The following ZDHHC24 variants were observed in gnomAD, a reference collection of about 807,000 sequenced individuals.
ZDHHC24 encodes the protein zDHHC palmitoyltransferase 24.
Under a neutral mutation model 23.2 loss-of-function variants are expected in ZDHHC24, and 17 were observed. The observed-to-expected ratio is 0.73, with a 90% CI of 0.50 to 1.10. The LOEUF (loss-of-function observed/expected upper bound fraction) is 1.10. Among genes scored for constraint, ZDHHC24 ranks in the 50% least tolerant of loss-of-function variants. The probability of loss-of-function intolerance (pLI) is 0.00; values close to 1 mark genes in which losing one functional copy is unlikely to be tolerated. For synonymous variants in ZDHHC24, 186 were observed against 194.5 expected (o/e 0.96, Z 0.36); for missense variants, 366 against 393.0 (o/e 0.93, Z 0.58).
At position 66,529,880 on chromosome 11, in the gene ZDHHC24, C is replaced by T; in HGVS notation, c.560-392G>A. 3 of 1,609,796 alleles carry T rather than the reference C, an allele frequency of 1.9e-6. No homozygotes were observed. Among genetic ancestry groups the T allele is most frequent in the South Asian group, 2.2e-5 (2 of 91,078 alleles). On this transcript the variant is annotated intron_variant, in intron 2 of 4. Transcript: ENST00000526986. Reference sequence around the variant, plus strand: ...TGCGCCTACGTGCTGCCCGCGCCTACCTGCAGGCCCTCGAGTCCAGCCTGA... The same window carrying T: ...TGCGCCTACGTGCTGCCCGCGCCTATCTGCAGGCCCTCGAGTCCAGCCTGA...
chr11:66,536,501 G>A lies in ZDHHC24; in HGVS notation c.*3028C>T, dbSNP rs571038156. The A allele has an allele frequency of 1.6e-3, 249 of 153,978 alleles. No homozygotes were observed. Among genetic ancestry groups the A allele is most frequent in the Non-Finnish European group, 2.6e-3 (180 of 68,010 alleles). The allele number at this position is 153,978 out of a possible 1,614,324, so 9.5% of individuals were successfully genotyped here. A position where few individuals can be genotyped will look rare whatever the true frequency, so the allele number is the denominator to read the frequency against. On this transcript the variant is annotated 3_prime_UTR_variant, in exon 3 of 3. Transcript: ENST00000310442. ...AACCCAGGAAGTGAGCCAAGATCGCGCCATTGCACTCCAGCTTGGGCAACA... is the reference window on the plus strand; with the variant it reads ...AACCCAGGAAGTGAGCCAAGATCGCACCATTGCACTCCAGCTTGGGCAACA...
chr11:66,524,018 G>A, intron 4 of ZDHHC24: 1 of 1,311,858 alleles, frequency 7.6e-7, no homozygotes, highest in Non-Finnish European at 1.1e-6. Flanking sequence ...AGTGGCTCAT[G>A]CCTGTAATCC....
At chr11:66,527,184 G>T in intron 3 of ZDHHC24, 1 of 589,780 alleles carries the variant, frequency 1.7e-6, no homozygotes. Flanking sequence ...ACCTACCTGG[G>T]TAACATAATG....
chr11:66,525,952 G>C (rs1249936398), intron 4 of ZDHHC24, among the ~76,000 whole-genome samples: 2 of 152,206 alleles, frequency 1.3e-5, no homozygotes, highest in Non-Finnish European at 2.9e-5. Context: ...AACTGAGGTA[G>C]TGAGATTGGA....
At position 66,526,762 on chromosome 11, in the gene ZDHHC24, C is replaced by T. The variant is rs767247916; in HGVS notation, c.*21+174G>A. On this transcript the variant is annotated intron_variant, in intron 4 of 4. Coordinates refer to the ZDHHC24 transcript ENST00000526986. Reference sequence around the variant, plus strand: ...GAAACTCAATGTGCCCCGAAAGACCCGGCTTTACGTGGATCAGACACTGCG... The same window carrying T: ...GAAACTCAATGTGCCCCGAAAGACCTGGCTTTACGTGGATCAGACACTGCG... 5.0e-6 allele frequency: 8 copies of T among 1,614,124 alleles called. No homozygotes were observed. The highest frequency in any genetic ancestry group is 1.3e-5 in the African/African-American group (1 of 74,948).
At chr11:66,524,965 C>T (rs1204086356) in intron 4 of ZDHHC24, among the ~76,000 whole-genome samples, 2 of 152,076 alleles carry the variant, frequency 1.3e-5, no homozygotes, top group East Asian at 1.9e-4. Flanking sequence ...CTTTGGGAGG[C>T]CGAGGCAGGC....
chr11:66,529,244 A>C, intron 3 of ZDHHC24: 2 of 1,511,516 alleles, frequency 1.3e-6, no homozygotes, highest in Non-Finnish European at 1.8e-6. Context: ...GTGATCCTGC[A>C]AACGGTGAGA....
intron 4 of ZDHHC24, chr11:66,524,099 G>T (rs1178591282): frequency 3.4e-5 from 21 of 626,020 alleles, no homozygotes; most frequent in African/African-American, 1.8e-5. Flanking sequence ...AGCCAACATG[G>T]CATAACCCCC....
intron 2 of ZDHHC24, chr11:66,542,926 TGTAG>T (rs1857193699): frequency 6.6e-6 from 1 of 152,288 alleles, no homozygotes; most frequent in Admixed American, 6.6e-5. Context: ...TCCCCTGGGC[TGTAG>T]GTGGGGTCCA....
intron 2 of ZDHHC24, among the ~76,000 whole-genome samples, chr11:66,530,308 A>AGC (rs1356421543): frequency 2.0e-5 from 3 of 152,190 alleles, no homozygotes; most frequent in African/African-American, 7.2e-5. Context: ...AACTGTGGGC[A>AGC]GCCCAACGTG....
In ZDHHC24 at chr11:66,529,304, G is replaced by A. The variant is rs781463154; in HGVS notation, c.736+8C>T. 5 of 1,536,106 alleles carry A rather than the reference G, an allele frequency of 3.3e-6. No individual in the cohort carries two copies. In the South Asian group the frequency reaches 6.0e-5, roughly 18 times the overall value. Reference sequence around the variant, plus strand: ...TGATGGACAGGGAGGCAGTGACGGAGGCAGGACCATGAGGCTGGTTTCCGC... The same window carrying A: ...TGATGGACAGGGAGGCAGTGACGGAAGCAGGACCATGAGGCTGGTTTCCGC... On this transcript the variant is annotated splice_region_variant and intron_variant, in intron 3 of 4. Transcript: ENST00000526986.
At chr11:66,525,199 C>CA (rs1202954773) in intron 4 of ZDHHC24, among the ~76,000 whole-genome samples, 3,614 of 83,346 alleles carry the variant, frequency 0.043, 208 homozygotes, top group East Asian at 0.17. Flanking sequence ...GACTCCATCT[C>CA]AAAAAAAAAA....
chr11:66,545,707 C>A lies in ZDHHC24; in HGVS notation c.281+16G>T. 1.3e-6 allele frequency: 2 copies of A among 1,519,096 alleles called. No homozygotes were observed. Among genetic ancestry groups the A allele is most frequent in the South Asian group, 2.5e-5 (2 of 79,218 alleles). 94.1% of individuals were successfully genotyped at this position (1,519,096 alleles called of 1,614,324 possible). A position where few individuals can be genotyped will look rare whatever the true frequency, so the allele number is the denominator to read the frequency against. ...AGGCTCCCACTTCTCCCCGCCCGAT[C>A]CCGCACCCCACTCACGCCCAGCCCT... On this transcript the variant is annotated intron_variant, in intron 1 of 2. Coordinates refer to ENST00000310442, the MANE Select transcript of ZDHHC24 (RefSeq NM_207340.3). The surrounding 1 kb of genome is among the most constrained non-coding windows in gnomAD (Gnocchi z 4.5).
At position 66,538,586 on chromosome 11, in the gene ZDHHC24, C is replaced by G. The variant is rs997265625; in HGVS notation, c.*943G>C. ...GTCAGGCTCTGTGTTCTACTGTCTT[C>G]CCTCCTGTTTTCTTTCCCTTTGTAT... On this transcript the variant is annotated 3_prime_UTR_variant, in exon 3 of 3. Coordinates refer to ENST00000310442, the MANE Select transcript of ZDHHC24 (RefSeq NM_207340.3). The G allele has an allele frequency of 6.6e-6, 1 of 152,154 alleles. No individual in the cohort carries two copies. Among genetic ancestry groups the G allele is most frequent in the Non-Finnish European group, 1.5e-5 (1 of 68,030 alleles). The allele number at this position is 152,154 out of a possible 1,614,324, so 9.4% of individuals were successfully genotyped here. A position where few individuals can be genotyped will look rare whatever the true frequency, so the allele number is the denominator to read the frequency against.
Position 66,545,725 on chromosome 11 carries a change from C to G in ZDHHC24, c.279G>C (p.Trp93Cys), listed in dbSNP as rs1202807473. 25 of 1,556,648 alleles carry G rather than the reference C, an allele frequency of 1.6e-5. No individual in the cohort carries two copies. The highest frequency in any genetic ancestry group is 2.2e-5 in the Non-Finnish European group (25 of 1,158,038). ...GCCCGATCCCGCACCCCACTCACGCCCAGCCCTGGCCCAGACCGCGGCCGG... is the reference window on the plus strand; with the variant it reads ...GCCCGATCCCGCACCCCACTCACGCGCAGCCCTGGCCCAGACCGCGGCCGG... ...MLAGRGLGQGWAYCYQCQSQV... is the reference protein window; with the variant it reads ...MLAGRGLGQGCAYCYQCQSQV... Residue 93 changes from tryptophan (W) to cysteine (C), a missense_variant and splice_region_variant, in exon 1 of 3, where the codon TGG (tryptophan) becomes TGC (cysteine). Physicochemically the swap from Trp to Cys is radical, Grantham distance 215. Coordinates refer to ENST00000310442, the MANE Select transcript of ZDHHC24 (RefSeq NM_207340.3). This position sits in a 1 kb window ranked among gnomAD's most constrained non-coding sequence, Gnocchi z 4.5.
At chr11:66,528,739 TG>T (rs1856623653) in intron 3 of ZDHHC24, among the ~76,000 whole-genome samples, 1 of 151,700 alleles carries the variant, frequency 6.6e-6, no homozygotes, top group African/African-American at 2.4e-5. Flanking sequence ...GAGGCCGAGG[TG>T]GGCAGATCAC....
chr11:66,540,174 T>C (rs186398206), intron 2 of ZDHHC24, among the ~76,000 whole-genome samples: 16 of 152,032 alleles, frequency 1.1e-4, no homozygotes, highest in African/African-American at 3.9e-4. Flanking sequence ...TCCCAGCACT[T>C]TGGGGGGGCG....
At position 66,543,886 on chromosome 11, in the gene ZDHHC24, A is replaced by G; in HGVS notation, c.377T>C (p.Leu126Pro). ...GCCGAAGCCCACGCAGCGGCCCAGC[A>G]GGCGGCAGTGGTGGTCCCGACGCAG... ...CILRRDHHCR[L>P]LGRCVGFGNY... is the part of the protein sequence containing the mutation. The change falls in exon 2 of 3, where the codon CTG becomes CCG. Residue 126 changes from leucine (L) to proline (P), a missense_variant. Transcript: ENST00000310442. 1 of 1,613,986 alleles carries G rather than the reference A, an allele frequency of 6.2e-7. No homozygotes were observed. The highest frequency in any genetic ancestry group is 1.1e-5 in the South Asian group (1 of 91,060).
chr11:66,545,705 A>C lies in ZDHHC24; in HGVS notation c.281+18T>G. 6.6e-7 allele frequency: 1 copy of C among 1,511,804 alleles called. No individual in the cohort carries two copies. The allele number at this position is 1,511,804 out of a possible 1,614,324, so 93.6% of individuals were successfully genotyped here. On this transcript the variant is annotated intron_variant, in intron 1 of 2. Coordinates refer to ENST00000310442, the MANE Select transcript of ZDHHC24 (RefSeq NM_207340.3). The surrounding 1 kb of genome is among the most constrained non-coding windows in gnomAD (Gnocchi z 4.5). The stretch of plus-strand genomic sequence containing the variant: ...CAAGGCTCCCACTTCTCCCCGCCCG[A>C]TCCCGCACCCCACTCACGCCCAGCC...
Sources: gnomAD v4.1 joint callset for allele counts (sites outside exome capture counted in the v4.1 genomes callset) on GRCh38, gnomAD v4.1.1 for gene constraint, Gnocchi (gnomAD v3.1) non-coding constraint, MANE v1.5 for transcripts, NCBI Gene and HGNC (gene_info 2026-07-23, HGNC 2026-07-21) for gene names.